The following NPAT variants were observed in gnomAD, a reference collection of about 807,000 sequenced individuals.
NPAT encodes nuclear protein, coactivator of histone transcription.
NPAT carries 52 observed loss-of-function variants against 130.7 expected under a neutral mutation model. The observed-to-expected ratio is 0.40, with a 90% CI of 0.32 to 0.50. NPAT has a LOEUF of 0.50. NPAT is among the 20% of genes least tolerant of loss of function. The pLI is 0.68. For synonymous variants in NPAT, 580 were observed against 584.8 expected (o/e 0.99, Z 0.12); for missense variants, 1,687 against 1,662.6 (o/e 1.01, Z -0.26).
intron 10 of NPAT, among the ~76,000 whole-genome samples, chr11:108,182,108 C>T (rs1354514573): frequency 1.3e-5 from 2 of 152,170 alleles, no homozygotes; most frequent in African/African-American, 2.4e-5. Flanking sequence ...CTGACCCAGA[C>T]CCTGCCATTG....
chr11:108,165,310 C>CCA (rs2077890678), intron 15 of NPAT, among the ~76,000 whole-genome samples: 7 of 151,750 alleles, frequency 4.6e-5, no homozygotes, highest in Non-Finnish European at 8.8e-5. Flanking sequence ...TGAGACAGGT[C>CCA]TATGTTGCCC....
At chr11:108,218,181 TAAGA>T (rs2078451437) in intron 1 of NPAT, among the ~76,000 whole-genome samples, 1 of 152,288 alleles carries the variant, frequency 6.6e-6, no homozygotes, top group Non-Finnish European at 1.5e-5. Flanking sequence ...CCCGAATAGG[TAAGA>T]AAGTATGCCT....
rs898565617 is a variant in NPAT, at chr11:108,173,316, A to G, written c.1668T>C (p.Asp556=). The G allele has an allele frequency of 1.2e-5, 19 of 1,611,960 alleles. No individual in the cohort carries two copies. The highest frequency in any genetic ancestry group is 6.7e-5 in the African/African-American group (5 of 74,868). The change falls in exon 13 of 18, where the codon GAT becomes GAC. Residue 556 remains aspartate, a synonymous_variant. Transcript: ENST00000278612. ...KKSQFCENSN[D]TVKLKINFHG... is the part of the protein sequence containing the mutation. ...GAAAATTAATTTTAAGTTTTACTGT[A>G]TCATTAGAATTTTCACAAAATTGAC...
chr11:108,169,921 A>C lies in NPAT; in HGVS notation c.2901+7T>G. ...TCACCACACCATTTTCAGTTCATAA[A>C]TCTTACCTGCCGAGGAGGAGTAGAA... is the stretch of plus-strand genomic sequence containing the variant. On this transcript the variant is annotated splice_region_variant and intron_variant, in intron 14 of 17. Transcript: ENST00000278612. 1 of 1,612,492 alleles carries C rather than the reference A, an allele frequency of 6.2e-7. No individual in the cohort carries two copies. The highest frequency in any genetic ancestry group is 1.7e-4 in the Middle Eastern group (1 of 6,058).
chr11:108,170,870 C>T (rs528209315), intron 13 of NPAT, among the ~76,000 whole-genome samples: 7 of 152,208 alleles, frequency 4.6e-5, no homozygotes, highest in Non-Finnish European at 8.8e-5. Context: ...TGTAACAGCA[C>T]GTAAAACAGA....
At chr11:108,207,994 T>C (rs1181273602) in intron 1 of NPAT, among the ~76,000 whole-genome samples, 1 of 152,218 alleles carries the variant, frequency 6.6e-6, no homozygotes, top group African/African-American at 2.4e-5. Context: ...AGTAATCAAG[T>C]AAGACTTAAA....
At chr11:108,179,210 A>G (rs2078036312) in intron 10 of NPAT, among the ~76,000 whole-genome samples, 1 of 152,202 alleles carries the variant, frequency 6.6e-6, no homozygotes, top group Non-Finnish European at 1.5e-5. Flanking sequence ...CTTACACCAT[A>G]TATGAAAATT....
intron 1 of NPAT, among the ~76,000 whole-genome samples, chr11:108,215,746 C>T (rs1437396295): frequency 6.6e-6 from 1 of 152,210 alleles, no homozygotes. Context: ...ACTCACCACT[C>T]TCTACTTGTT....
At chr11:108,189,043 A>T in intron 6 of NPAT, 63 bp downstream of exon 6, 1 of 1,273,652 alleles carries the variant, frequency 7.9e-7, no homozygotes, top group African/African-American at 1.5e-5. Flanking sequence ...AGACATTAGT[A>T]TATTATCTCA....
chr11:108,196,228 T>C (rs991899682), intron 2 of NPAT, among the ~76,000 whole-genome samples: 3 of 152,234 alleles, frequency 2.0e-5, no homozygotes, highest in African/African-American at 7.2e-5. Context: ...GACCATCCTT[T>C]CTGCAATGAA....
intron 1 of NPAT, among the ~76,000 whole-genome samples, chr11:108,221,443 T>A (rs929172955): frequency 6.6e-6 from 1 of 152,222 alleles, no homozygotes; most frequent in African/African-American, 2.4e-5. Flanking sequence ...ACATTAAACT[T>A]GTCATTAAGT....
Position 108,222,596 on chromosome 11 carries a change from C to A in NPAT, c.-60G>T. 6.3e-7 allele frequency: 1 copy of A among 1,583,906 alleles called. No individual in the cohort carries two copies. Among genetic ancestry groups the A allele is most frequent in the Non-Finnish European group, 8.7e-7 (1 of 1,155,292 alleles). ...AAGACTCAGGTTAAAGCAAACACAG[C>A]GACAGCTCCTGCGCCGCATCTCCTG... is the stretch of plus-strand genomic sequence containing the variant. On this transcript the variant is annotated 5_prime_UTR_variant, in exon 1 of 18. Coordinates refer to ENST00000278612, the MANE Select transcript of NPAT (RefSeq NM_002519.3).
chr11:108,181,262 G>A (rs61913701), intron 10 of NPAT, among the ~76,000 whole-genome samples: 42,773 of 152,002 alleles, frequency 0.28, 7,241 homozygotes, highest in Middle Eastern at 0.54. Context: ...TCAGGAGTTC[G>A]AGACCAGCCT....
chr11:108,168,519 A>C (rs375902779), intron 15 of NPAT, among the ~76,000 whole-genome samples: 13 of 152,346 alleles, frequency 8.5e-5, no homozygotes, highest in African/African-American at 3.1e-4. Context: ...ATTTGATAGC[A>C]GTTAGTTGAG....
chr11:108,169,337 G>C (rs2077928489), intron 15 of NPAT, among the ~76,000 whole-genome samples: 1 of 152,166 alleles, frequency 6.6e-6, no homozygotes, highest in Non-Finnish European at 1.5e-5. Flanking sequence ...TGCTGTACCA[G>C]ACCTATCAAT....
intron 1 of NPAT, among the ~76,000 whole-genome samples, chr11:108,211,197 AGAGT>A (rs1359403820): frequency 6.6e-6 from 1 of 151,882 alleles, no homozygotes; most frequent in Non-Finnish European, 1.5e-5. Context: ...GCTTGGCAAC[AGAGT>A]GAGACACCGT....
At chr11:108,200,811 A>G (rs1161065203) in intron 1 of NPAT, among the ~76,000 whole-genome samples, 1 of 152,178 alleles carries the variant, frequency 6.6e-6, no homozygotes, top group African/African-American at 2.4e-5. Context: ...GTGGTTCCCA[A>G]TCCCTATACC....
chr11:108,162,278 A>C (rs750137921), intron 15 of NPAT, 98 bp from the exon 16 acceptor site: 19 of 1,069,988 alleles, frequency 1.8e-5, no homozygotes, highest in Non-Finnish European at 2.5e-5. Flanking sequence ...AAAAAATTTT[A>C]AATGGTAGCT....
intron 10 of NPAT, among the ~76,000 whole-genome samples, chr11:108,180,230 G>C (rs1240013887): frequency 6.6e-6 from 1 of 152,136 alleles, no homozygotes; most frequent in Non-Finnish European, 1.5e-5. Context: ...GGGAAGCTGA[G>C]GTGGGAGGGT....
Sources: gnomAD v4.1 joint callset for allele counts (sites outside exome capture counted in the v4.1 genomes callset) on GRCh38, gnomAD v4.1.1 for gene constraint, MANE v1.5 for transcripts, NCBI Gene and HGNC (gene_info 2026-07-23, HGNC 2026-07-21) for gene names.